ZNF385C: variants seen among roughly 807,000 people sequenced by gnomAD.
The protein encoded by ZNF385C is zinc finger protein 385C.
A neutral mutation model predicts 35.4 loss-of-function variants in ZNF385C; 28 were observed. The ratio of observed to expected loss-of-function variants is 0.79; its 90% confidence interval spans 0.59 to 1.08. ZNF385C has a LOEUF of 1.08. Among genes scored for constraint, ZNF385C ranks in the 50% least tolerant of loss-of-function variants. The pLI is 0.00. For missense variants in ZNF385C, 605 were observed against 595.6 expected, an observed-to-expected ratio of 1.02 and a Z score of -0.16; for synonymous variants, 248 against 248.2, an observed-to-expected ratio of 1.00 and a Z score of 0.01.
At chr17:42,027,800 C>T in intron 7 of ZNF385C, 72 bp from the exon 8 acceptor site, 1 of 1,469,736 alleles carries the variant, frequency 6.8e-7, no homozygotes, top group East Asian at 2.3e-5. Flanking sequence ...ATCCTCGACT[C>T]TTCCCCTTCC....
At chr17:42,036,557 A>G (rs35755725) in intron 3 of ZNF385C, among the ~76,000 whole-genome samples, 2,163 of 152,274 alleles carry the variant, frequency 0.014, 52 homozygotes, top group African/African-American at 0.049. Context: ...AAAATAAAAA[A>G]GGAACTTTCC....
Position 42,063,539 on chromosome 17 carries a change from AAAAC to A in ZNF385C, c.-2-485_-2-482del, listed in dbSNP as rs559282965. Among the ~76,000 whole-genome samples, 529 of 152,320 alleles carry A rather than the reference AAAAC, an allele frequency of 3.5e-3. 2 individuals carry two copies. Among genetic ancestry groups the A allele is most frequent in the African/African-American group, 0.012 (509 of 41,572 alleles). ...GAGCAAAACTCCATTTCAGAAAGAA[AAAAC>A]AAACAAAAAACAAAAACAAAAACAA... is the stretch of plus-strand genomic sequence containing the variant. On this transcript the variant is annotated intron_variant, in intron 1 of 8. Coordinates refer to ENST00000692273, the MANE Select transcript of ZNF385C (RefSeq NM_001392013.1).
chr17:42,027,580 C>T (rs782310937), intron 8 of ZNF385C, 38 bp downstream of exon 8: 1 of 1,408,346 alleles, frequency 7.1e-7, no homozygotes, highest in East Asian at 2.5e-5. Flanking sequence ...CTCTCCCCTC[C>T]TGACCCAGTC....
Position 42,028,256 on chromosome 17 carries a change from G to GA in ZNF385C, c.968-11dup. On this transcript the variant is annotated splice_polypyrimidine_tract_variant and intron_variant, in intron 6 of 8. Transcript: ENST00000692273. ...CACCGGTGCTTGGCTCCTGGAGAGG[G>GA]AAGAAGGCAGTCTCTCAGCAGCAGG... is the stretch of plus-strand genomic sequence containing the variant. 15 of 1,519,240 alleles carry GA rather than the reference G, an allele frequency of 9.9e-6. No individual in the cohort carries two copies. Among genetic ancestry groups the GA allele is most frequent in the Non-Finnish European group, 1.2e-5 (14 of 1,136,480 alleles). 94.1% of individuals were successfully genotyped at this position (1,519,240 alleles called of 1,614,324 possible).
chr17:42,040,769 G>T (rs1397596736), intron 2 of ZNF385C: 3 of 1,232,346 alleles, frequency 2.4e-6, no homozygotes, highest in Non-Finnish European at 3.0e-6. Context: ...CCATGGAGGC[G>T]GAATAGGGCA....
At chr17:42,090,463 T>A (rs1555660435) in intron 1 of ZNF385C, among the ~76,000 whole-genome samples, 1 of 151,536 alleles carries the variant, frequency 6.6e-6, no homozygotes, top group African/African-American at 2.4e-5. Context: ...TTTGTATTTT[T>A]AATTAGTGAT....
At chr17:42,096,417 C>A (rs1022698714) in intron 1 of ZNF385C, among the ~76,000 whole-genome samples, 3 of 152,180 alleles carry the variant, frequency 2.0e-5, no homozygotes, top group Admixed American at 6.5e-5. Flanking sequence ...AGGGAGAGGA[C>A]TGGCAGCAGG....
In ZNF385C at chr17:42,091,402, C is replaced by T. The variant is rs541500869; in HGVS notation, c.-3+7008G>A. ...CGGAGGCTGCGGTGAGCTGTTATCGCACCACTGTACTCCAGCCTGGGTGGC... is the reference window on the plus strand; with the variant it reads ...CGGAGGCTGCGGTGAGCTGTTATCGTACCACTGTACTCCAGCCTGGGTGGC... On this transcript the variant is annotated intron_variant, in intron 1 of 8. Transcript: ENST00000692273. 3.9e-5 allele frequency among the ~76,000 whole-genome samples: 6 copies of T among 152,046 alleles called. No individual in the cohort carries two copies. In the South Asian group the frequency reaches 1.2e-3, roughly 32 times the overall value.
At chr17:42,088,589 G>T (rs1169844372) in intron 1 of ZNF385C, among the ~76,000 whole-genome samples, 1 of 152,230 alleles carries the variant, frequency 6.6e-6, no homozygotes, top group African/African-American at 2.4e-5. Flanking sequence ...CCTCAGCAGG[G>T]CATCCCTGAC....
rs1350876914 is a variant in ZNF385C at position 42,062,885 on chromosome 17, C to T, written c.172G>A (p.Ala58Thr). The T allele has an allele frequency of 1.5e-6, 1 of 675,642 alleles. No individual in the cohort carries two copies. Among genetic ancestry groups the T allele is most frequent in the South Asian group, 1.6e-5 (1 of 63,206 alleles). 41.9% of individuals were successfully genotyped at this position (675,642 alleles called of 1,614,324 possible). A position where few individuals can be genotyped will look rare whatever the true frequency, so the allele number is the denominator to read the frequency against. Reference sequence around the variant, plus strand: ...GCCCGCCCCCCACAGTGCACCTGGGCCTGGGCCGCCGAGTTCAGCTGGATG... The same window carrying T: ...GCCCGCCCCCCACAGTGCACCTGGGTCTGGGCCGCCGAGTTCAGCTGGATG... The part of the protein sequence containing the change: ...CNIQLNSAAQ[A>T]QVHCGGRAHQ... The change falls in exon 2 of 9, where the codon GCC becomes ACC. Residue 58 changes from alanine (A) to threonine (T), a missense_variant. Ala to Thr is a moderately conservative substitution (Grantham distance 58). Coordinates refer to ENST00000692273, the MANE Select transcript of ZNF385C (RefSeq NM_001392013.1).
chr17:42,070,298 C>G (rs1260168158), intron 1 of ZNF385C, among the ~76,000 whole-genome samples: 1 of 151,392 alleles, frequency 6.6e-6, no homozygotes, highest in Non-Finnish European at 1.5e-5. Flanking sequence ...GAGCCGAGAT[C>G]GCGCCACTGC....
At chr17:42,091,706 G>A (rs1444075437) in intron 1 of ZNF385C, among the ~76,000 whole-genome samples, 1 of 152,150 alleles carries the variant, frequency 6.6e-6, no homozygotes, top group African/African-American at 2.4e-5. Context: ...CTCAACCTAG[G>A]GAGAGTCTCA....
At chr17:42,039,556 G>T in intron 2 of ZNF385C, 2 of 691,438 alleles carry the variant, frequency 2.9e-6, no homozygotes, top group Non-Finnish European at 4.0e-6. Flanking sequence ...GGGGGTTGGT[G>T]GGAAGCTCCA....
chr17:42,086,194 C>A (rs2053805563), intron 1 of ZNF385C, among the ~76,000 whole-genome samples: 1 of 151,012 alleles, frequency 6.6e-6, no homozygotes, highest in East Asian at 2.0e-4. Flanking sequence ...GGGTTAGAGA[C>A]CAGCCTGCGC....
At position 42,028,901 on chromosome 17, in the gene ZNF385C, C is replaced by T. The variant is rs1287879972; in HGVS notation, c.849G>A (p.Ala283=). The T allele has an allele frequency of 3.9e-6, 6 of 1,550,452 alleles. No individual in the cohort carries two copies. The highest frequency in any genetic ancestry group is 2.7e-5 in the African/African-American group (2 of 73,058). Residue 283 remains alanine (A), a synonymous_variant, in exon 6 of 9, where the codon GCG becomes GCA. Coordinates refer to ENST00000692273, the MANE Select transcript of ZNF385C (RefSeq NM_001392013.1). The part of the protein sequence containing the change: ...PGREAPGPEP[A]AAAVGSSMSG... ...TCATGCTGCTTCCCACGGCAGCTGC[C>T]GCTGGCTCAGGCCCCGGTGCCTCTC...
chr17:42,084,175 A>G (rs2053781079), intron 1 of ZNF385C, among the ~76,000 whole-genome samples: 1 of 151,132 alleles, frequency 6.6e-6, no homozygotes, highest in African/African-American at 2.4e-5. Flanking sequence ...TCAAGACCTC[A>G]TATCTGAAAA....
intron 1 of ZNF385C, among the ~76,000 whole-genome samples, chr17:42,073,543 G>A (rs782481517): frequency 3.5e-4 from 54 of 152,190 alleles, no homozygotes; most frequent in Non-Finnish European, 6.5e-4. Flanking sequence ...TGGAGGTCAG[G>A]GGAGACAGCC....
Position 42,025,658 on chromosome 17 carries a change from C to G in ZNF385C, c.*1239G>C, listed in dbSNP as rs1298644238. The G allele has an allele frequency of 1.3e-5, 2 of 152,600 alleles. No individual in the cohort carries two copies. The highest frequency in any genetic ancestry group is 3.9e-4 in the East Asian group (2 of 5,192). 9.5% of individuals were successfully genotyped at this position (152,600 alleles called of 1,614,324 possible). A position where few individuals can be genotyped will look rare whatever the true frequency, so the allele number is the denominator to read the frequency against. On this transcript the variant is annotated 3_prime_UTR_variant, in exon 9 of 9. Coordinates refer to ENST00000692273, the MANE Select transcript of ZNF385C (RefSeq NM_001392013.1). ...TATCAAAAAGTTTCCCTCCCCTCCC[C>G]CTTTTTCTGGTTCTCCCATTGGAAA...
In ZNF385C at chr17:42,050,131, C is replaced by G. The variant is rs1555656971; in HGVS notation, c.251-12246G>C. On this transcript the variant is annotated intron_variant, in intron 2 of 8. Transcript: ENST00000692273. The surrounding 1 kb of genome is among the most constrained non-coding windows in gnomAD (Gnocchi z 5.6). ...CACTTGCTGCAGACACAGGTCTCCT[C>G]TCATTTCTCTCCACACCCTGACCAG... 6.6e-6 allele frequency among the ~76,000 whole-genome samples: 1 copy of G among 152,016 alleles called. No homozygotes were observed. Among genetic ancestry groups the G allele is most frequent in the African/African-American group, 2.4e-5 (1 of 41,452 alleles).
Sources: allele counts gnomAD v4.1 joint callset (sites outside exome capture counted in the v4.1 genomes callset), GRCh38; gene constraint gnomAD v4.1.1; non-coding constraint Gnocchi (gnomAD v3.1); transcripts MANE v1.5; gene names NCBI Gene and HGNC (gene_info 2026-07-23, HGNC 2026-07-21).